QTMAN: variants seen among roughly 807,000 people sequenced by gnomAD.
The protein encoded by QTMAN is queuosine-tRNA mannosyltransferase.
chr2:143,982,504 G>A, the QTMAN span, among the ~76,000 whole-genome samples: 1 of 151,480 alleles, frequency 6.6e-6, no homozygotes, highest in East Asian at 2.0e-4. Flanking sequence ...CAAAGTGCTG[G>A]GATTACAGGC....
At chr2:143,992,344 G>A in the QTMAN span, among the ~76,000 whole-genome samples, 16 of 147,136 alleles carry the variant, frequency 1.1e-4, no homozygotes, top group East Asian at 3.9e-4. Context: ...CAGCATGCTC[G>A]TTAAGAGTCA....
chr2:144,058,059 T>C, the QTMAN span, among the ~76,000 whole-genome samples: 64 of 148,250 alleles, frequency 4.3e-4, 1 homozygote, highest in African/African-American at 1.5e-3. Context: ...ATTGCGAAGA[T>C]TGCAAAAAGT....
the QTMAN span, among the ~76,000 whole-genome samples, chr2:144,106,034 C>A: frequency 2.5e-4 from 38 of 152,224 alleles, no homozygotes; most frequent in South Asian, 1.2e-3. Context: ...GAAATAAAAT[C>A]CTTTACAGAC....
the QTMAN span, among the ~76,000 whole-genome samples, chr2:144,181,719 G>C: frequency 6.6e-6 from 1 of 152,112 alleles, no homozygotes; most frequent in Non-Finnish European, 1.5e-5. Context: ...GCTGAGGAAG[G>C]AGGATCAGTT....
chr2:144,148,206 C>A, the QTMAN span, among the ~76,000 whole-genome samples: 1 of 151,500 alleles, frequency 6.6e-6, no homozygotes, highest in Admixed American at 6.6e-5. Context: ...AGATTCATGT[C>A]AAATTATTTA....
At chr2:144,216,351 A>T in the QTMAN span, among the ~76,000 whole-genome samples, 1 of 152,148 alleles carries the variant, frequency 6.6e-6, no homozygotes, top group Non-Finnish European at 1.5e-5. Context: ...CTATGCTATT[A>T]TTTTCCTGAA....
the QTMAN span, among the ~76,000 whole-genome samples, chr2:144,022,256 A>G: frequency 1.3e-5 from 2 of 151,990 alleles, no homozygotes; most frequent in South Asian, 4.2e-4. Flanking sequence ...CTCATCTTTT[A>G]AGATCTTAAT....
the QTMAN span, among the ~76,000 whole-genome samples, chr2:143,999,624 T>C: frequency 1.3e-5 from 2 of 152,018 alleles, no homozygotes; most frequent in African/African-American, 4.8e-5. Flanking sequence ...CATTCATCCC[T>C]CCATCCATAT....
chr2:143,987,831 T>C, the QTMAN span, among the ~76,000 whole-genome samples: 1 of 152,144 alleles, frequency 6.6e-6, no homozygotes, highest in Non-Finnish European at 1.5e-5. Flanking sequence ...TTTTGAAGAG[T>C]AATACCAAAT....
chr2:144,050,526 T>C, the QTMAN span, among the ~76,000 whole-genome samples: 1 of 152,140 alleles, frequency 6.6e-6, no homozygotes, highest in Admixed American at 6.5e-5. Flanking sequence ...ATACAATGGA[T>C]TAAATGTTAG....
the QTMAN span, among the ~76,000 whole-genome samples, chr2:144,072,436 A>G: frequency 6.6e-6 from 1 of 152,202 alleles, no homozygotes; most frequent in African/African-American, 2.4e-5. Flanking sequence ...GAAGACTCAC[A>G]GAATTTTAAA....
At chr2:144,093,789 T>C in the QTMAN span, among the ~76,000 whole-genome samples, 1 of 152,194 alleles carries the variant, frequency 6.6e-6, no homozygotes, top group Non-Finnish European at 1.5e-5. Flanking sequence ...TGTGGATATG[T>C]TGGTGTGTGT....
chr2:144,273,873 C>T, the QTMAN span, among the ~76,000 whole-genome samples: 3 of 152,162 alleles, frequency 2.0e-5, no homozygotes, highest in Admixed American at 6.5e-5. Context: ...CGGTGGCTCA[C>T]GCCTGTAATC....
the QTMAN span, among the ~76,000 whole-genome samples, chr2:144,133,162 A>AATT: frequency 5.8e-5 from 3 of 51,868 alleles, no homozygotes; most frequent in East Asian, 4.5e-4. Context: ...ATATAATATA[A>AATT]TATATATATA....
chr2:143,951,176 G>GTAAA, the QTMAN span, among the ~76,000 whole-genome samples: 1 of 151,540 alleles, frequency 6.6e-6, no homozygotes, highest in Non-Finnish European at 1.5e-5. Flanking sequence ...ACTGCTAGAT[G>GTAAA]TAAACTATAC....
At chr2:144,209,364 T>G in the QTMAN span, among the ~76,000 whole-genome samples, 3 of 152,238 alleles carry the variant, frequency 2.0e-5, no homozygotes, top group African/African-American at 7.2e-5. Flanking sequence ...AGAAGGCATA[T>G]CAACCAAATG....
the QTMAN span, among the ~76,000 whole-genome samples, chr2:144,105,337 A>G: frequency 6.6e-6 from 1 of 152,208 alleles, no homozygotes; most frequent in Non-Finnish European, 1.5e-5. Flanking sequence ...AACCCATTGC[A>G]AAGAAGCTAA....
chr2:144,251,369 G>A, the QTMAN span, among the ~76,000 whole-genome samples: 6 of 152,006 alleles, frequency 3.9e-5, no homozygotes, highest in Non-Finnish European at 8.8e-5. Context: ...AGAAATAGAC[G>A]CACACAAATA....
chr2:144,052,987 G>A, the QTMAN span, among the ~76,000 whole-genome samples: 3 of 152,182 alleles, frequency 2.0e-5, no homozygotes, highest in Non-Finnish European at 4.4e-5. Context: ...ATACACAGGA[G>A]GTGATCCTGG....
Sources: allele counts gnomAD v4.1 joint callset (sites outside exome capture counted in the v4.1 genomes callset), GRCh38; gene constraint gnomAD v4.1.1; transcripts MANE v1.5; gene names NCBI Gene and HGNC (gene_info 2026-07-23, HGNC 2026-07-21).